Variants in KLHL7 observed in about 807,000 individuals in gnomAD.
KLHL7 encodes kelch like family member 7.
KLHL7 carries 44 observed loss-of-function variants against 67.4 expected under a neutral mutation model. That is an observed-to-expected ratio of 0.65 (90% confidence interval 0.51 to 0.84). KLHL7 has a LOEUF of 0.84. Among genes scored for constraint, KLHL7 ranks in the 40% least tolerant of loss-of-function variants. The pLI is 0.00. For synonymous variants in KLHL7, 252 were observed against 243.3 expected, an observed-to-expected ratio of 1.04 and a Z score of -0.33; for missense variants, 362 against 718.1, an observed-to-expected ratio of 0.50 and a Z score of 5.67.
intron 1 of KLHL7, among the ~76,000 whole-genome samples, chr7:23,121,528 AG>A (rs1405580817): frequency 1.3e-5 from 2 of 150,642 alleles, no homozygotes; most frequent in African/African-American, 4.9e-5. Context: ...TCGAATTCCT[AG>A]GCTCAAGCAA....
chr7:23,122,780 A>G (rs1783404683), intron 1 of KLHL7, among the ~76,000 whole-genome samples: 1 of 152,304 alleles, frequency 6.6e-6, no homozygotes, highest in East Asian at 1.9e-4. Flanking sequence ...CAGTTTTAGT[A>G]AAATACTTAA....
chr7:23,106,799 G>T (rs1357694828), intron 1 of KLHL7: 3 of 984,936 alleles, frequency 3.0e-6, no homozygotes, highest in Non-Finnish European at 3.6e-6. Flanking sequence ...CGAAAGGTGG[G>T]TTATGAAAAG....
intron 4 of KLHL7, among the ~76,000 whole-genome samples, chr7:23,132,511 T>C (rs1248787834): frequency 6.6e-6 from 1 of 152,180 alleles, no homozygotes; most frequent in Non-Finnish European, 1.5e-5. Context: ...TAGATTTTTT[T>C]CTTATAGAGC....
intron 6 of KLHL7, among the ~76,000 whole-genome samples, chr7:23,146,880 G>A (rs988000621): frequency 2.0e-5 from 3 of 152,010 alleles, no homozygotes; most frequent in Non-Finnish European, 4.4e-5. Flanking sequence ...GTATAGTGTA[G>A]GTACACATAC....
chr7:23,136,796 A>G (rs1319211722), intron 4 of KLHL7, among the ~76,000 whole-genome samples: 2 of 152,252 alleles, frequency 1.3e-5, no homozygotes, highest in Non-Finnish European at 2.9e-5. Flanking sequence ...TATAGGCTAT[A>G]TAGAAACATG....
chr7:23,170,161 C>T (rs1409371287), intron 9 of KLHL7, among the ~76,000 whole-genome samples: 1 of 152,196 alleles, frequency 6.6e-6, no homozygotes, highest in Non-Finnish European at 1.5e-5. Flanking sequence ...TTGTAGTGAG[C>T]TGAGATCGTG....
At chr7:23,148,324 G>A (rs1282037545) in intron 6 of KLHL7, among the ~76,000 whole-genome samples, 1 of 150,070 alleles carries the variant, frequency 6.7e-6, no homozygotes. Flanking sequence ...GGTTGTCAAA[G>A]GAAAAGGAGA....
At chr7:23,111,501 T>C (rs367848433) in intron 1 of KLHL7, among the ~76,000 whole-genome samples, 4 of 152,260 alleles carry the variant, frequency 2.6e-5, no homozygotes, top group South Asian at 4.2e-4. Flanking sequence ...TGCATGTTTG[T>C]AGAGATGGTA....
At chr7:23,161,620 G>A (rs566402088) in intron 7 of KLHL7, among the ~76,000 whole-genome samples, 2 of 152,250 alleles carry the variant, frequency 1.3e-5, no homozygotes, top group Admixed American at 6.5e-5. Context: ...CGGCTGGTTG[G>A]TTACAGGTCC....
chr7:23,136,192 A>G (rs1308350108), intron 4 of KLHL7, among the ~76,000 whole-genome samples: 2 of 152,192 alleles, frequency 1.3e-5, no homozygotes, highest in African/African-American at 4.8e-5. Flanking sequence ...TTAGAACATA[A>G]TGTCACAAGG....
intron 7 of KLHL7, 84 bp from the exon 8 acceptor site, chr7:23,165,614 A>T: frequency 1.4e-6 from 2 of 1,421,162 alleles, no homozygotes; most frequent in Non-Finnish European, 2.0e-6. Context: ...ATATTCTTAT[A>T]TGTTTTTTGA....
intron 9 of KLHL7, chr7:23,172,195 A>G (rs1785184747): frequency 2.2e-6 from 1 of 456,396 alleles, no homozygotes; most frequent in East Asian, 7.0e-5. Context: ...TTGGGAGTGT[A>G]TGCAGAAGAA....
intron 6 of KLHL7, among the ~76,000 whole-genome samples, chr7:23,146,860 C>G (rs552344948): frequency 3.3e-5 from 5 of 152,172 alleles, no homozygotes; most frequent in Admixed American, 3.3e-4. Context: ...AGTATTTTGG[C>G]TAAGATCAAG....
At chr7:23,168,175 G>C (rs1350895678) in intron 9 of KLHL7, 138 bp downstream of exon 9, 1 of 769,556 alleles carries the variant, frequency 1.3e-6, no homozygotes, top group Non-Finnish European at 2.2e-6. Context: ...GAGTGTGCTA[G>C]GGTCAGTGGC....
rs1205766570 is a variant in KLHL7, at chr7:23,176,577, TG to T, written c.*2282del. The T allele has an allele frequency of 1.3e-5, 2 of 151,256 alleles. No individual in the cohort carries two copies. Among genetic ancestry groups the T allele is most frequent in the African/African-American group, 4.9e-5 (2 of 40,932 alleles). 9.4% of individuals were successfully genotyped at this position (151,256 alleles called of 1,614,324 possible). On this transcript the variant is annotated 3_prime_UTR_variant, in exon 11 of 11. Transcript: ENST00000339077. ...GTTCTAGCTACTCAGAAGGCTGAGG[TG>T]GGAGGATCACTTGAGCCCAGGAGTT...
chr7:23,106,511 A>G (rs1583625352), intron 1 of KLHL7: 2 of 1,143,304 alleles, frequency 1.7e-6, no homozygotes, highest in Non-Finnish European at 2.2e-6. Context: ...TCTTGTGTGA[A>G]GAAACCCGTT....
At chr7:23,153,816 C>A (rs1237590078) in intron 7 of KLHL7, among the ~76,000 whole-genome samples, 1 of 152,184 alleles carries the variant, frequency 6.6e-6, no homozygotes, top group Non-Finnish European at 1.5e-5. Context: ...GATAGCTTTG[C>A]AGTTTACCCA....
chr7:23,115,689 C>T (rs909810394), intron 1 of KLHL7, among the ~76,000 whole-genome samples: 66 of 151,872 alleles, frequency 4.3e-4, no homozygotes, highest in Middle Eastern at 6.8e-3. Context: ...GATTACCGGG[C>T]GTCCACCACC....
intron 7 of KLHL7, among the ~76,000 whole-genome samples, chr7:23,152,743 G>A: frequency 6.6e-6 from 1 of 152,018 alleles, no homozygotes; most frequent in East Asian, 1.9e-4. Context: ...GAGAGCTTGA[G>A]TCATAGGTAT....
Sources: gnomAD v4.1 joint callset for allele counts (sites outside exome capture counted in the v4.1 genomes callset) on GRCh38, gnomAD v4.1.1 for gene constraint, MANE v1.5 for transcripts, NCBI Gene and HGNC (gene_info 2026-07-23, HGNC 2026-07-21) for gene names.